DNMT3B: variants seen among roughly 807,000 people sequenced by gnomAD.
DNMT3B encodes DNA (cytosine-5)-methyltransferase 3B.
DNMT3B carries 37 observed loss-of-function variants against 120.2 expected under a neutral mutation model. That is an observed-to-expected ratio of 0.31 (90% CI 0.24 to 0.40). The LOEUF is 0.40. DNMT3B is among the 10% of genes least tolerant of loss of function. The pLI, the probability that DNMT3B is intolerant of heterozygous loss-of-function variation, is 1.00. For missense variants in DNMT3B, 878 were observed against 1,137.3 expected (o/e 0.77, Z 3.28); for synonymous variants, 412 against 442.8 (o/e 0.93, Z 0.87).
In DNMT3B at chr20:32,801,420, C is replaced by T. The variant is rs752571603; in HGVS notation, c.2139C>T (p.Phe713=). Residue 713 remains phenylalanine, a synonymous_variant, in exon 19 of 23, where the codon TTC becomes TTT. Coordinates refer to ENST00000328111, the MANE Select transcript of DNMT3B (RefSeq NM_006892.4). ...KVGDKRDISR[F]LECNPVMIDA... Reference sequence around the variant, plus strand: ...GCGACAAGAGGGACATCTCACGGTTCCTGGAGGTGAGGGAATCTGGGGACC... The same window carrying T: ...GCGACAAGAGGGACATCTCACGGTTTCTGGAGGTGAGGGAATCTGGGGACC... The T allele has an allele frequency of 2.6e-5, 42 of 1,613,842 alleles. No homozygotes were observed. Among genetic ancestry groups the T allele is most frequent in the Non-Finnish European group, 3.5e-5 (41 of 1,180,028 alleles).
intron 1 of DNMT3B, among the ~76,000 whole-genome samples, chr20:32,767,419 G>T (rs575395355): frequency 6.6e-6 from 1 of 150,768 alleles, no homozygotes; most frequent in Non-Finnish European, 1.5e-5. Flanking sequence ...GTAAGCTCTT[G>T]TGTGTGTTTT....
In DNMT3B at chr20:32,803,879, T is replaced by C. The variant is rs929455473; in HGVS notation, c.2231+1409T>C. 2.0e-5 allele frequency among the ~76,000 whole-genome samples: 3 copies of C among 152,042 alleles called. No individual in the cohort carries two copies. In the East Asian group the frequency reaches 5.8e-4, roughly 29 times the overall value. On this transcript the variant is annotated intron_variant, in intron 20 of 22. Coordinates refer to ENST00000328111, the MANE Select transcript of DNMT3B (RefSeq NM_006892.4). ...CATGGGAAGTTACAGATGAGATGAA[T>C]TGTGCTTTGGTTCATGGTAGTTTCT...
intron 2 of DNMT3B, among the ~76,000 whole-genome samples, 159 bp from the exon 3 acceptor site, chr20:32,781,194 G>A (rs1978579857): frequency 6.6e-6 from 1 of 152,204 alleles, no homozygotes; most frequent in Admixed American, 6.5e-5. Context: ...CAGTGGAGAA[G>A]ATGAACGATA....
Position 32,808,319 on chromosome 20 carries a change from A to G in DNMT3B, c.*416A>G. ...AATCATCCAAGACAGTTATTGCAAG[A>G]GTTTAATTTTTGAAAACTGGCTACT... is the stretch of plus-strand genomic sequence containing the variant. On this transcript the variant is annotated 3_prime_UTR_variant, in exon 23 of 23. Coordinates refer to ENST00000328111, the MANE Select transcript of DNMT3B (RefSeq NM_006892.4). The G allele has an allele frequency of 6.4e-6, 2 of 314,000 alleles. No homozygotes were observed. The highest frequency in any genetic ancestry group is 1.2e-5 in the Non-Finnish European group (2 of 166,536). The allele number at this position is 314,000 out of a possible 1,614,324, so 19.5% of individuals were successfully genotyped here. A position where few individuals can be genotyped will look rare whatever the true frequency, so the allele number is the denominator to read the frequency against.
chr20:32,799,171 G>A lies in DNMT3B; in HGVS notation c.1675-73G>A. 2.0e-6 allele frequency: 3 copies of A among 1,527,650 alleles called. No individual in the cohort carries two copies. In the South Asian group the frequency reaches 3.5e-5, roughly 18 times the overall value. The allele number at this position is 1,527,650 out of a possible 1,614,324, so 94.6% of individuals were successfully genotyped here. On this transcript the variant is annotated intron_variant, in intron 15 of 22. Transcript: ENST00000328111. ...GTTTGAAGCCCTCTGAGCAGGGTCA[G>A]CCTGCCCCTCCCTCAGAGCTTGAGT...
In DNMT3B at chr20:32,798,546, T is replaced by C; in HGVS notation, c.1577T>C (p.Met526Thr). Reference sequence around the variant, plus strand: ...CTTCAGGAGCCCTGGAGCTGTTACATGTGTCTCCCGCAGCGCTGTCATGGC... The same window carrying C: ...CTTCAGGAGCCCTGGAGCTGTTACACGTGTCTCCCGCAGCGCTGTCATGGC... ...AKLQEPWSCYMCLPQRCHGVL... is the reference protein window; with the variant it reads ...AKLQEPWSCYTCLPQRCHGVL... Residue 526 changes from methionine (M) to threonine (T), a missense_variant, in exon 15 of 23, where the codon ATG (methionine) becomes ACG (threonine). Coordinates refer to ENST00000328111, the MANE Select transcript of DNMT3B (RefSeq NM_006892.4). 2 of 1,614,208 alleles carry C rather than the reference T, an allele frequency of 1.2e-6. No individual in the cohort carries two copies. The highest frequency in any genetic ancestry group is 2.2e-5 in the East Asian group (1 of 44,880).
intron 1 of DNMT3B, among the ~76,000 whole-genome samples, chr20:32,768,235 G>A (rs1460843085): frequency 4.3e-5 from 6 of 140,944 alleles, no homozygotes; most frequent in Admixed American, 1.5e-4. Context: ...CACTCTTGTC[G>A]CCCAGGCTGG....
intron 1 of DNMT3B, among the ~76,000 whole-genome samples, chr20:32,778,927 C>A (rs1988214578): frequency 6.8e-6 from 1 of 147,460 alleles, no homozygotes; most frequent in African/African-American, 2.5e-5. Flanking sequence ...CCAAGTGAGA[C>A]CCTGTCTCTA....
intron 1 of DNMT3B, among the ~76,000 whole-genome samples, chr20:32,771,895 G>A (rs1393075769): frequency 6.6e-6 from 1 of 152,128 alleles, no homozygotes; most frequent in Non-Finnish European, 1.5e-5. Flanking sequence ...TTTTCCGATT[G>A]TAAAAGTTAC....
At chr20:32,768,889 C>T (rs1987549956) in intron 1 of DNMT3B, among the ~76,000 whole-genome samples, 1 of 152,154 alleles carries the variant, frequency 6.6e-6, no homozygotes, top group South Asian at 2.1e-4. Flanking sequence ...GGAGGAAGAG[C>T]CTCAAGCTTA....
intron 8 of DNMT3B, 141 bp downstream of exon 8, chr20:32,791,849 T>C: frequency 2.4e-6 from 2 of 847,570 alleles, no homozygotes; most frequent in South Asian, 2.9e-5. Context: ...CAACATAACA[T>C]GATGGCCACC....
At chr20:32,773,592 G>A (rs1467197805) in intron 1 of DNMT3B, among the ~76,000 whole-genome samples, 2 of 149,456 alleles carry the variant, frequency 1.3e-5, no homozygotes, top group Non-Finnish European at 2.9e-5. Flanking sequence ...ATAAAACTGG[G>A]GTTTGAGAGA....
intron 14 of DNMT3B, among the ~76,000 whole-genome samples, chr20:32,797,954 T>C (rs1980844556): frequency 6.6e-6 from 1 of 152,082 alleles, no homozygotes. Flanking sequence ...GGGATTACAG[T>C]CATGATCCAC....
chr20:32,788,910 C>G lies in DNMT3B; in HGVS notation c.711C>G (p.Ser237=). The G allele has an allele frequency of 6.2e-7, 1 of 1,613,638 alleles. No homozygotes were observed. Among genetic ancestry groups the G allele is most frequent in the Non-Finnish European group, 8.5e-7 (1 of 1,179,878 alleles). The change falls in exon 7 of 23, where the codon TCC becomes TCG. Residue 237 remains serine (S), a synonymous_variant. Coordinates refer to ENST00000328111, the MANE Select transcript of DNMT3B (RefSeq NM_006892.4). ...TGTGGGGAAAGATCAAGGGCTTCTC[C>G]TGGTGGCCCGCCATGGTGGTGTCTT... ...DLVWGKIKGF[S]WWPAMVVSWK...
intron 1 of DNMT3B, 179 bp from the exon 2 acceptor site, chr20:32,780,139 A>G: frequency 6.2e-7 from 1 of 1,613,736 alleles, no homozygotes; most frequent in Non-Finnish European, 8.5e-7. Context: ...CTGAGCCTCC[A>G]AGCTTGGTGA....
rs1394870953 is a variant in DNMT3B, at chr20:32,809,330, T to C, written c.*1427T>C. On this transcript the variant is annotated 3_prime_UTR_variant, in exon 23 of 23. Transcript: ENST00000328111. ...TGACGGATGCCTAGAGTTTACCTTA[T>C]GTTTAATTAAAATCAGTATTTGTCT... The C allele has an allele frequency of 4.8e-6, 1 of 207,562 alleles. No homozygotes were observed. The highest frequency in any genetic ancestry group is 2.3e-5 in the African/African-American group (1 of 43,884). 12.9% of individuals were successfully genotyped at this position (207,562 alleles called of 1,614,324 possible).
chr20:32,800,039 C>T (rs531541299), intron 16 of DNMT3B, 114 bp from the exon 17 acceptor site: 21 of 1,462,838 alleles, frequency 1.4e-5, no homozygotes, highest in South Asian at 3.5e-5. Context: ...CTGGATTGAA[C>T]GCATGTGATA....
Position 32,809,236 on chromosome 20 carries a change from G to A in DNMT3B, c.*1333G>A, listed in dbSNP as rs1473013665. The A allele has an allele frequency of 1.4e-5, 3 of 219,120 alleles. No homozygotes were observed. The highest frequency in any genetic ancestry group is 9.2e-6 in the Non-Finnish European group (1 of 109,212). The allele number at this position is 219,120 out of a possible 1,614,324, so 13.6% of individuals were successfully genotyped here. A position where few individuals can be genotyped will look rare whatever the true frequency, so the allele number is the denominator to read the frequency against. ...AAATTTTTTTTGTAACTGGAGCCAC[G>A]ACGTAACAAATATGGGGAAAAAACT... On this transcript the variant is annotated 3_prime_UTR_variant, in exon 23 of 23. Transcript: ENST00000328111.
chr20:32,779,010 C>T (rs971836805), intron 1 of DNMT3B, among the ~76,000 whole-genome samples: 6 of 152,092 alleles, frequency 3.9e-5, no homozygotes, highest in African/African-American at 7.2e-5. Context: ...GAGGCTAGCA[C>T]GGGTTGTCTG....
Sources: gnomAD v4.1 joint callset for allele counts (sites outside exome capture counted in the v4.1 genomes callset) on GRCh38, gnomAD v4.1.1 for gene constraint, MANE v1.5 for transcripts, NCBI Gene and HGNC (gene_info 2026-07-23, HGNC 2026-07-21) for gene names.